The following PGM5 variants were observed in gnomAD, a reference collection of about 807,000 sequenced individuals.
PGM5 encodes the protein phosphoglucomutase-like protein 5.
A neutral mutation model predicts 59.2 loss-of-function variants in PGM5; 23 were observed. That is an observed-to-expected ratio of 0.39 (90% CI 0.28 to 0.55). The LOEUF (loss-of-function observed/expected upper bound fraction) is 0.55, where lower values mean the gene tolerates loss of function less well. Ranked by LOEUF, PGM5 falls within the 20% of genes least tolerant of loss-of-function variation. PGM5 has a pLI of 0.66. For synonymous variants in PGM5, 214 were observed against 286.0 expected (o/e 0.75, Z 2.54); for missense variants, 574 against 748.3 (o/e 0.77, Z 2.72).
At chr9:68,408,889 C>T (rs1822870157) in intron 6 of PGM5, among the ~76,000 whole-genome samples, 1 of 151,880 alleles carries the variant, frequency 6.6e-6, no homozygotes, top group Admixed American at 6.6e-5. Context: ...TAGTTGTAGA[C>T]ATGCGGCATT....
In PGM5 at chr9:68,378,380, G is replaced by A; in HGVS notation, c.424+19G>A. ...AATGGAGGTATGTGGTTCAGCATAT[G>A]CCTTAATAATTACGATTTCTTTCCT... On this transcript the variant is annotated intron_variant, in intron 2 of 10. Transcript: ENST00000396396. 3 of 1,579,170 alleles carry A rather than the reference G, an allele frequency of 1.9e-6. No homozygotes were observed. Among genetic ancestry groups the A allele is most frequent in the East Asian group, 2.3e-5 (1 of 43,940 alleles).
chr9:68,528,090 A>G (rs1587236493), intron 10 of PGM5, among the ~76,000 whole-genome samples: 2 of 152,308 alleles, frequency 1.3e-5, no homozygotes, highest in South Asian at 2.1e-4. Context: ...GTTAGGGCCC[A>G]CAAGGAACTG....
chr9:68,402,145 T>G (rs1327116864), intron 6 of PGM5, among the ~76,000 whole-genome samples: 1 of 152,028 alleles, frequency 6.6e-6, no homozygotes, highest in Non-Finnish European at 1.5e-5. Flanking sequence ...AGGCTTGTAA[T>G]CCCAGCTACT....
At chr9:68,505,241 T>A (rs1425272942) in intron 10 of PGM5, among the ~76,000 whole-genome samples, 2 of 152,192 alleles carry the variant, frequency 1.3e-5, no homozygotes, top group East Asian at 3.8e-4. Flanking sequence ...GAATTTCTTT[T>A]TATTTGTGCT....
intron 6 of PGM5, among the ~76,000 whole-genome samples, chr9:68,440,269 G>A (rs1823505213): frequency 6.6e-6 from 1 of 152,144 alleles, no homozygotes; most frequent in South Asian, 2.1e-4. Context: ...CCAACCAACA[G>A]CAGAATATAC....
At chr9:68,365,020 T>C (rs1409705840) in intron 1 of PGM5, among the ~76,000 whole-genome samples, 1 of 152,262 alleles carries the variant, frequency 6.6e-6, no homozygotes, top group Admixed American at 6.5e-5. Flanking sequence ...AAAACATCTG[T>C]TCTCTTTGAG....
At chr9:68,371,882 C>T (rs2777142) in intron 1 of PGM5, among the ~76,000 whole-genome samples, 1 of 152,158 alleles carries the variant, frequency 6.6e-6, no homozygotes, top group African/African-American at 2.4e-5. Context: ...GAGGCAGAGA[C>T]TGGAGTGATG....
At chr9:68,399,448 A>G (rs560090286) in intron 6 of PGM5, among the ~76,000 whole-genome samples, 1 of 152,316 alleles carries the variant, frequency 6.6e-6, no homozygotes, top group Admixed American at 6.5e-5. Flanking sequence ...GCATCTTCAA[A>G]TCCAGGCCAA....
chr9:68,384,683 T>C (rs1175133652), intron 3 of PGM5, 139 bp downstream of exon 3: 14 of 579,478 alleles, frequency 2.4e-5, no homozygotes, highest in Non-Finnish European at 3.7e-5. Context: ...AAACTTAATA[T>C]GGTGTAGAGA....
At chr9:68,454,807 A>G (rs1208780796) in intron 6 of PGM5, among the ~76,000 whole-genome samples, 1 of 152,170 alleles carries the variant, frequency 6.6e-6, no homozygotes, top group Non-Finnish European at 1.5e-5. Flanking sequence ...CTGCTCACTC[A>G]GCCTTAGCTT....
chr9:68,497,848 C>T (rs1214900179), intron 9 of PGM5: 2 of 152,162 alleles, frequency 1.3e-5, no homozygotes, highest in Admixed American at 6.5e-5. Flanking sequence ...GAACACATTT[C>T]CTTCAACAGA....
At chr9:68,423,653 C>G (rs868957563) in intron 6 of PGM5, among the ~76,000 whole-genome samples, 5 of 95,282 alleles carry the variant, frequency 5.2e-5, no homozygotes, top group Non-Finnish European at 9.9e-5. Context: ...CTCTCTCTCT[C>G]TGTCTCTCTC....
chr9:68,412,634 G>C (rs1248972846), intron 6 of PGM5, among the ~76,000 whole-genome samples: 1 of 152,180 alleles, frequency 6.6e-6, no homozygotes, highest in Non-Finnish European at 1.5e-5. Context: ...CTCCTGCTCT[G>C]CTACAAACGG....
intron 6 of PGM5, chr9:68,395,829 T>C (rs1439664105): frequency 6.6e-6 from 1 of 152,100 alleles, no homozygotes; most frequent in Non-Finnish European, 1.5e-5. Context: ...TCTACTTGTC[T>C]CCCTGAGGTG....
chr9:68,520,262 TAAAG>T (rs989942806), intron 10 of PGM5, among the ~76,000 whole-genome samples: 1 of 149,982 alleles, frequency 6.7e-6, no homozygotes, highest in Non-Finnish European at 1.5e-5. Flanking sequence ...TTGCTAAAGA[TAAAG>T]AGAGACTCTT....
At chr9:68,453,367 G>T (rs1377368786) in intron 6 of PGM5, among the ~76,000 whole-genome samples, 2 of 152,126 alleles carry the variant, frequency 1.3e-5, no homozygotes, top group African/African-American at 4.8e-5. Context: ...TTGAGACAGG[G>T]TCTTGCTGCT....
chr9:68,389,333 A>T (rs1822308052), intron 4 of PGM5, among the ~76,000 whole-genome samples: 1 of 152,092 alleles, frequency 6.6e-6, no homozygotes, highest in Non-Finnish European at 1.5e-5. Context: ...TCATGTAACC[A>T]CTATCACAAT....
chr9:68,469,959 T>C (rs1173328563), intron 7 of PGM5, among the ~76,000 whole-genome samples: 1 of 152,190 alleles, frequency 6.6e-6, no homozygotes, highest in Non-Finnish European at 1.5e-5. Flanking sequence ...TTTGGGAAGA[T>C]TTATAAAACA....
At chr9:68,433,960 A>C (rs1248557490) in intron 6 of PGM5, among the ~76,000 whole-genome samples, 1 of 152,224 alleles carries the variant, frequency 6.6e-6, no homozygotes, top group Non-Finnish European at 1.5e-5. Context: ...TATCCTGTAT[A>C]AAACATCCTA....
Sources: gnomAD v4.1 joint callset for allele counts (sites outside exome capture counted in the v4.1 genomes callset) on GRCh38, gnomAD v4.1.1 for gene constraint, MANE v1.5 for transcripts, NCBI Gene and HGNC (gene_info 2026-07-23, HGNC 2026-07-21) for gene names.